ZNF469: variants seen among roughly 807,000 people sequenced by gnomAD.
ZNF469 encodes the protein zinc finger protein 469.
In ZNF469, 1 loss-of-function variant was observed where a neutral mutation model predicts 1.0. The observed-to-expected ratio is 1.00, with a 90% CI of 0.35 to 4.73. The LOEUF (loss-of-function observed/expected upper bound fraction) is 4.73, where lower values mean the gene tolerates loss of function less well. Ranked by LOEUF, ZNF469 falls within the 30% of genes most tolerant of loss-of-function variation. ZNF469 has a pLI of 0.16. For synonymous variants in ZNF469, 2,703 were observed against 2,363.4 expected (o/e 1.14, Z -4.17); for missense variants, 6,100 against 5,356.3 (o/e 1.14, Z -4.33).
At chr16:88,389,104 C>T (rs1275179752) in intron 1 of ZNF469, among the ~76,000 whole-genome samples, 1 of 152,248 alleles carries the variant, frequency 6.6e-6, no homozygotes, top group Non-Finnish European at 1.5e-5. Context: ...ACAAACATCA[C>T]CACCATCTAG....
At chr16:88,164,987 G>A in the ZNF469 span, among the ~76,000 whole-genome samples, 3 of 152,152 alleles carry the variant, frequency 2.0e-5, no homozygotes, top group East Asian at 1.9e-4. Context: ...CAGGGCCATC[G>A]TGGGCTCGTG....
the ZNF469 span, among the ~76,000 whole-genome samples, chr16:88,345,212 T>C: frequency 1.3e-5 from 2 of 152,180 alleles, no homozygotes; most frequent in South Asian, 2.1e-4. Flanking sequence ...TCCTTGCTCT[T>C]GAGTCCAAAA....
chr16:88,172,097 T>C, the ZNF469 span, among the ~76,000 whole-genome samples: 4 of 151,874 alleles, frequency 2.6e-5, no homozygotes. Context: ...TCTCACTGAG[T>C]AGAGGAGATA....
the ZNF469 span, among the ~76,000 whole-genome samples, chr16:88,133,191 C>T: frequency 1.3e-5 from 2 of 152,260 alleles, no homozygotes; most frequent in South Asian, 2.1e-4. Flanking sequence ...GGCACTGAAA[C>T]AGGGCCCTGC....
the ZNF469 span, among the ~76,000 whole-genome samples, chr16:88,104,227 T>G: frequency 2.9e-4 from 41 of 142,884 alleles, no homozygotes; most frequent in Non-Finnish European, 5.0e-4. Flanking sequence ...GGGGACGTCA[T>G]CTGCCTCCCA....
the ZNF469 span, among the ~76,000 whole-genome samples, chr16:88,228,441 G>A: frequency 2.6e-5 from 4 of 152,230 alleles, no homozygotes; most frequent in Admixed American, 2.6e-4. Context: ...CCCGAGATAA[G>A]CCCTATAGCA....
the ZNF469 span, among the ~76,000 whole-genome samples, chr16:88,119,269 T>C: frequency 1.6e-4 from 24 of 152,180 alleles, 1 homozygote; most frequent in Admixed American, 1.6e-3. Flanking sequence ...ATTCACTATT[T>C]CATGATCTCC....
At chr16:88,283,511 C>A in the ZNF469 span, among the ~76,000 whole-genome samples, 7 of 152,206 alleles carry the variant, frequency 4.6e-5, no homozygotes, top group Admixed American at 2.0e-4. Flanking sequence ...CAGTGGGTCA[C>A]TGGATGTGTG....
Position 88,427,755 on chromosome 16 carries a change from C to T in ZNF469, c.285C>T (p.Thr95=), listed in dbSNP as rs1905786534. ...CTGGGAAGAGGGGCAGCCCCCAGACCCCACCGGGGAGAAGCCCCTTGCAGG... is the reference window on the plus strand; with the variant it reads ...CTGGGAAGAGGGGCAGCCCCCAGACTCCACCGGGGAGAAGCCCCTTGCAGG... ...STPGKRGSPQ[T]PPGRSPLQAP... Residue 95 remains threonine, a synonymous_variant, in exon 3 of 3, where the codon ACC becomes ACT. Coordinates refer to ENST00000565624, the MANE Select transcript of ZNF469 (RefSeq NM_001367624.2). 2 of 1,544,056 alleles carry T rather than the reference C, an allele frequency of 1.3e-6. No homozygotes were observed. Among genetic ancestry groups the T allele is most frequent in the East Asian group, 2.4e-5 (1 of 40,866 alleles).
intron 1 of ZNF469, among the ~76,000 whole-genome samples, chr16:88,409,374 C>T (rs983281236): frequency 2.0e-5 from 3 of 152,226 alleles, no homozygotes; most frequent in Non-Finnish European, 2.9e-5. Context: ...GCTAGACAAA[C>T]GTGAAAGCGG....
At chr16:88,142,233 C>T in the ZNF469 span, among the ~76,000 whole-genome samples, 3 of 152,136 alleles carry the variant, frequency 2.0e-5, no homozygotes, top group East Asian at 1.9e-4. Flanking sequence ...CCCGGCTGGG[C>T]GGGGGGTCTG....
At position 88,430,582 on chromosome 16, in the gene ZNF469, A is replaced by G. The variant is rs2142303279; in HGVS notation, c.3112A>G (p.Lys1038Glu). 2 of 1,499,650 alleles carry G rather than the reference A, an allele frequency of 1.3e-6. No homozygotes were observed. The highest frequency in any genetic ancestry group is 1.3e-5 in the South Asian group (1 of 79,910). The allele number at this position is 1,499,650 out of a possible 1,614,324, so 92.9% of individuals were successfully genotyped here. Residue 1038 changes from lysine (K) to glutamate (E), a missense_variant, in exon 3 of 3, where the codon AAG becomes GAG. Coordinates refer to ENST00000565624, the MANE Select transcript of ZNF469 (RefSeq NM_001367624.2). ...GCTGCCCCCCAGGAAGGACCCCAGG[A>G]AGAGGAAGGCTCGGGGCGGCGCCTG... ...RRLPPRKDPR[K>E]RKARGGAWGK...
the ZNF469 span, among the ~76,000 whole-genome samples, chr16:88,104,683 T>C: frequency 1.3e-5 from 2 of 152,238 alleles, no homozygotes; most frequent in Non-Finnish European, 2.9e-5. Context: ...CCTACAAAGA[T>C]TCCTAAAGAA....
chr16:88,210,075 A>G, the ZNF469 span, among the ~76,000 whole-genome samples: 502 of 152,330 alleles, frequency 3.3e-3, 3 homozygotes, highest in African/African-American at 0.012. Flanking sequence ...ACGCTGCTAC[A>G]TTGTTGCAGT....
the ZNF469 span, among the ~76,000 whole-genome samples, chr16:88,285,376 G>A: frequency 5.3e-5 from 8 of 152,258 alleles, no homozygotes; most frequent in Non-Finnish European, 8.8e-5. Flanking sequence ...GATCAGGCAG[G>A]TGCAGCAGCC....
At chr16:88,245,966 G>T in the ZNF469 span, among the ~76,000 whole-genome samples, 2 of 152,400 alleles carry the variant, frequency 1.3e-5, no homozygotes, top group East Asian at 1.9e-4. Flanking sequence ...TGGAATGGTT[G>T]CTTTGGCTCA....
the ZNF469 span, among the ~76,000 whole-genome samples, chr16:88,166,831 A>C: frequency 6.6e-6 from 1 of 151,826 alleles, no homozygotes; most frequent in Non-Finnish European, 1.5e-5. This position sits in a 1 kb window ranked among gnomAD's most constrained non-coding sequence, Gnocchi z 4.5. Context: ...AAAATATGTA[A>C]ATATATAAAA....
the ZNF469 span, among the ~76,000 whole-genome samples, chr16:88,298,564 G>C: frequency 6.6e-6 from 1 of 152,324 alleles, no homozygotes; most frequent in African/African-American, 2.4e-5. Flanking sequence ...CTGAGGCGTG[G>C]AGAGGACATG....
At chr16:88,364,906 A>G in the ZNF469 span, among the ~76,000 whole-genome samples, 1 of 152,236 alleles carries the variant, frequency 6.6e-6, no homozygotes, top group African/African-American at 2.4e-5. Flanking sequence ...CGGGGGTTAC[A>G]GCAAGCCAAG....
Sources: allele counts gnomAD v4.1 joint callset (sites outside exome capture counted in the v4.1 genomes callset), GRCh38; gene constraint gnomAD v4.1.1; non-coding constraint Gnocchi (gnomAD v3.1); transcripts MANE v1.5; gene names NCBI Gene and HGNC (gene_info 2026-07-23, HGNC 2026-07-21).